The following BACE2 variants were observed in gnomAD, a reference collection of about 807,000 sequenced individuals.
BACE2 encodes the protein beta-secretase 2, also known as 56 kDa aspartic-like protease.
BACE2 carries 17 observed loss-of-function variants against 46.2 expected under a neutral mutation model. That is an observed-to-expected ratio of 0.37 (90% CI 0.25 to 0.55). BACE2 has a LOEUF of 0.55. BACE2 is among the 20% of genes least tolerant of loss of function. The pLI, the probability that BACE2 is intolerant of heterozygous loss-of-function variation, is 0.82. For synonymous variants in BACE2, 277 were observed against 295.9 expected (o/e 0.94, Z 0.66); for missense variants, 595 against 698.1 (o/e 0.85, Z 1.66).
intron 5 of BACE2, among the ~76,000 whole-genome samples, chr21:41,244,758 C>T (rs1166373540): frequency 2.0e-5 from 3 of 152,108 alleles, no homozygotes; most frequent in African/African-American, 7.2e-5. Context: ...AAATGATGGT[C>T]GCTTCTATTG....
chr21:41,229,313 T>C (rs1986909647), intron 2 of BACE2, among the ~76,000 whole-genome samples: 1 of 152,196 alleles, frequency 6.6e-6, no homozygotes, highest in Non-Finnish European at 1.5e-5. Context: ...CCACTTAGAA[T>C]AGGTTTTTCT....
At chr21:41,180,043 G>T in intron 1 of BACE2, 1 of 308,012 alleles carries the variant, frequency 3.2e-6, no homozygotes. Flanking sequence ...TTGCAAAGCA[G>T]GGCTGCCCTA....
At chr21:41,273,505 T>C (rs1311159076) in intron 8 of BACE2, among the ~76,000 whole-genome samples, 1 of 152,226 alleles carries the variant, frequency 6.6e-6, no homozygotes, top group Non-Finnish European at 1.5e-5. Flanking sequence ...CTATTTGCTT[T>C]TGAAAGAAGA....
intron 1 of BACE2, chr21:41,182,819 G>T (rs992720113): frequency 3.0e-5 from 5 of 166,892 alleles, no homozygotes; most frequent in Non-Finnish European, 7.3e-5. Flanking sequence ...TACTATACAG[G>T]ATTCCTCCAC....
At chr21:41,228,233 C>T (rs758218931) in intron 2 of BACE2, among the ~76,000 whole-genome samples, 4 of 152,180 alleles carry the variant, frequency 2.6e-5, no homozygotes, top group Non-Finnish European at 5.9e-5. Flanking sequence ...AGTACGTGAA[C>T]ACTCTGGCTC....
At position 41,201,388 on chromosome 21, in the gene BACE2, A is replaced by G. The variant is rs140701842; in HGVS notation, c.313-24878A>G. On this transcript the variant is annotated intron_variant, in intron 1 of 8. Transcript: ENST00000330333. The stretch of plus-strand genomic sequence containing the variant: ...AGTCGTGACATTCAGGTGAACCTGA[A>G]AGTTATAGCTTCTTTTATAGCCAGT... 4.0e-3 allele frequency among the ~76,000 whole-genome samples: 613 copies of G among 152,356 alleles called. 6 individuals carry two copies. Among genetic ancestry groups the G allele is most frequent in the African/African-American group, 0.014 (592 of 41,578 alleles).
In BACE2 at chr21:41,237,526, C is replaced by G; in HGVS notation, c.415C>G (p.Arg139Gly). 5 of 1,613,818 alleles carry G rather than the reference C, an allele frequency of 3.1e-6. No individual in the cohort carries two copies. The highest frequency in any genetic ancestry group is 4.2e-6 in the Non-Finnish European group (5 of 1,179,776). ...TTCTTTCTCCAGGTCTAGCACATAC[C>G]GCTCCAAGGGCTTTGACGTCACAGT... ...YFDTERSSTYRSKGFDVTVKY... is the reference protein window; with the variant it reads ...YFDTERSSTYGSKGFDVTVKY... The change falls in exon 3 of 9, where the codon CGC (arginine) becomes GGC (glycine). Residue 139 changes from arginine (R) to glycine (G), a missense_variant. Physicochemically the swap from Arg to Gly is moderately radical, Grantham distance 125. Coordinates refer to ENST00000330333, the MANE Select transcript of BACE2 (RefSeq NM_012105.5).
In BACE2 at chr21:41,237,611, A is replaced by G. The variant is rs376474113; in HGVS notation, c.500A>G (p.Lys167Arg). The G allele has an allele frequency of 6.2e-7, 1 of 1,614,086 alleles. No homozygotes were observed. The highest frequency in any genetic ancestry group is 1.3e-5 in the African/African-American group (1 of 74,930). Residue 167 changes from lysine (K) to arginine (R), a missense_variant, in exon 3 of 9, where the codon AAA becomes AGA. By Grantham distance (26) the Lys-to-Arg change is conservative. This residue lies in a region of BACE2 where 248 missense variants were observed against 261.4 expected (regional missense o/e 0.95). Coordinates refer to ENST00000330333, the MANE Select transcript of BACE2 (RefSeq NM_012105.5). ...GGGGAAGACCTCGTCACCATCCCCA[A>G]AGGCTTCAATACTTCTTTTCTTGTC... ...FVGEDLVTIP[K>R]GFNTSFLVNI... is the part of the protein sequence containing the mutation.
At chr21:41,194,015 A>G (rs1383813758) in intron 1 of BACE2, among the ~76,000 whole-genome samples, 1 of 152,204 alleles carries the variant, frequency 6.6e-6, no homozygotes, top group Non-Finnish European at 1.5e-5. Flanking sequence ...GTCCTTCCTC[A>G]AGGGGACCCG....
intron 1 of BACE2, among the ~76,000 whole-genome samples, chr21:41,225,058 C>A (rs868781273): frequency 2.0e-5 from 3 of 152,210 alleles, no homozygotes; most frequent in East Asian, 3.9e-4. Context: ...CACGGTGAAA[C>A]CCCGTCTCTA....
At chr21:41,190,088 A>C (rs1234818776) in intron 1 of BACE2, among the ~76,000 whole-genome samples, 1 of 152,172 alleles carries the variant, frequency 6.6e-6, no homozygotes, top group Non-Finnish European at 1.5e-5. Context: ...TCCCCAGCCC[A>C]CTGCCTCAAA....
At position 41,246,771 on chromosome 21, in the gene BACE2, G is replaced by C. The variant is rs551142212; in HGVS notation, c.984+708G>C. 1.7e-4 allele frequency among the ~76,000 whole-genome samples: 26 copies of C among 152,276 alleles called. 2 individuals are homozygous for C. The South Asian group carries it at 5.4e-3, about 32-fold the overall frequency. ...AAACATTGGATACAGGACAGCTTTG[G>C]GGATGAAATAGAATTAAATTTAGTG... On this transcript the variant is annotated intron_variant, in intron 6 of 8. Coordinates refer to ENST00000330333, the MANE Select transcript of BACE2 (RefSeq NM_012105.5).
intron 1 of BACE2, among the ~76,000 whole-genome samples, chr21:41,204,663 T>C (rs2123534708): frequency 6.6e-6 from 1 of 152,380 alleles, no homozygotes; most frequent in Non-Finnish European, 1.5e-5. Context: ...ATTTTTCCTG[T>C]CTCTAGAATG....
chr21:41,191,056 G>A (rs942500112), intron 1 of BACE2, among the ~76,000 whole-genome samples: 1 of 152,172 alleles, frequency 6.6e-6, no homozygotes, highest in Non-Finnish European at 1.5e-5. Flanking sequence ...TTAATCACTA[G>A]GGGTGATGGT....
At chr21:41,206,821 G>A (rs1052059345) in intron 1 of BACE2, among the ~76,000 whole-genome samples, 5 of 152,190 alleles carry the variant, frequency 3.3e-5, no homozygotes, top group African/African-American at 1.2e-4. Context: ...TAGAAAAAAT[G>A]AATGTTAATA....
intron 2 of BACE2, among the ~76,000 whole-genome samples, chr21:41,228,276 G>A (rs1169499498): frequency 6.6e-6 from 1 of 152,224 alleles, no homozygotes; most frequent in African/African-American, 2.4e-5. Flanking sequence ...GTAGGCAGAT[G>A]CTGGAGGTGA....
rs577206783 is a variant in BACE2, at chr21:41,270,101, C to T, written c.1304-5270C>T. Among the ~76,000 whole-genome samples the T allele has an allele frequency of 2.0e-5, 3 of 152,300 alleles. No homozygotes were observed. In the South Asian group the frequency reaches 6.2e-4, roughly 32 times the overall value. ...CCTAATGACTAATAATCCTGAATAT[C>T]TTTTCATGTACTTTTTTGCCATTCA... On this transcript the variant is annotated intron_variant, in intron 8 of 8. Coordinates refer to ENST00000330333, the MANE Select transcript of BACE2 (RefSeq NM_012105.5).
chr21:41,222,399 G>C (rs1200050053), intron 1 of BACE2, among the ~76,000 whole-genome samples: 1 of 152,200 alleles, frequency 6.6e-6, no homozygotes, highest in Non-Finnish European at 1.5e-5. Flanking sequence ...AGCCTGGAAG[G>C]GAGCGATGGG....
At chr21:41,247,566 T>C (rs1361180367) in intron 6 of BACE2, among the ~76,000 whole-genome samples, 1 of 152,234 alleles carries the variant, frequency 6.6e-6, no homozygotes, top group Non-Finnish European at 1.5e-5. Flanking sequence ...AATGGAAAAG[T>C]CTGTCCACCA....
Sources: allele counts gnomAD v4.1 joint callset (sites outside exome capture counted in the v4.1 genomes callset), GRCh38; gene constraint gnomAD v4.1.1; regional missense constraint gnomAD v4.1.1; transcripts MANE v1.5; gene names NCBI Gene and HGNC (gene_info 2026-07-23, HGNC 2026-07-21).